SKAP2: variants seen among roughly 807,000 people sequenced by gnomAD.
The protein encoded by SKAP2 is src kinase associated phosphoprotein 2, also known as src kinase-associated phosphoprotein 2.
Under a neutral mutation model 54.9 loss-of-function variants are expected in SKAP2, and 28 were observed. The ratio of observed to expected loss-of-function variants is 0.51; its 90% CI spans 0.38 to 0.70. SKAP2 has a LOEUF of 0.70. Ranked by LOEUF, SKAP2 falls within the 30% of genes least tolerant of loss-of-function variation. The pLI is 0.00. For synonymous variants in SKAP2, 137 were observed against 134.3 expected, an observed-to-expected ratio of 1.02 and a Z score of -0.14; for missense variants, 356 against 424.1, an observed-to-expected ratio of 0.84 and a Z score of 1.41.
intron 4 of SKAP2, among the ~76,000 whole-genome samples, chr7:26,816,108 C>A (rs1293408968): frequency 3.3e-5 from 5 of 152,044 alleles, no homozygotes; most frequent in Non-Finnish European, 1.5e-5. Context: ...CGTTTTCTAA[C>A]AAATGTTTTG....
chr7:26,764,908 C>A (rs1783013393), intron 4 of SKAP2, among the ~76,000 whole-genome samples: 1 of 152,224 alleles, frequency 6.6e-6, no homozygotes, highest in Non-Finnish European at 1.5e-5. Flanking sequence ...GGTTACAGCT[C>A]TTCCCTATTG....
intron 7 of SKAP2, 129 bp downstream of exon 7, chr7:26,726,753 A>G (rs1787718391): frequency 4.1e-6 from 3 of 739,926 alleles, no homozygotes; most frequent in Non-Finnish European, 6.0e-6. Flanking sequence ...AATGCATAAT[A>G]TATTTAAACA....
chr7:26,774,212 C>A lies in SKAP2; in HGVS notation c.308-34248G>T, dbSNP rs1156252923. Among the ~76,000 whole-genome samples, 3 of 152,212 alleles carry A rather than the reference C, an allele frequency of 2.0e-5. No individual in the cohort carries two copies. The East Asian group carries it at 5.8e-4, about 29-fold the overall frequency. On this transcript the variant is annotated intron_variant, in intron 4 of 12. Coordinates refer to ENST00000345317, the MANE Select transcript of SKAP2 (RefSeq NM_003930.5). ...CCTGTAGTCCCAGCTACTCAGGAGG[C>A]TGAGGCAGGAGAATCCCTTGAACCC...
chr7:26,823,021 T>C lies in SKAP2; in HGVS notation c.307+21009A>G, dbSNP rs184927733. Among the ~76,000 whole-genome samples, 465 of 152,298 alleles carry C rather than the reference T, an allele frequency of 3.1e-3. 1 individual carries two copies. The highest frequency in any genetic ancestry group is 0.011 in the African/African-American group (450 of 41,560). On this transcript the variant is annotated intron_variant, in intron 4 of 12. Transcript: ENST00000345317. ...GAGGAAGGCACGTAGAAAGTCGAGATAGGCCAAAAGGAAGGCCTCTTGTGC... is the reference window on the plus strand; with the variant it reads ...GAGGAAGGCACGTAGAAAGTCGAGACAGGCCAAAAGGAAGGCCTCTTGTGC...
intron 4 of SKAP2, among the ~76,000 whole-genome samples, chr7:26,788,013 CA>C (rs1458647365): frequency 6.6e-6 from 1 of 152,096 alleles, no homozygotes; most frequent in Non-Finnish European, 1.5e-5. Flanking sequence ...GGGATGTAGG[CA>C]GGGGCAAATA....
chr7:26,734,064 G>A (rs1787874330), intron 6 of SKAP2, among the ~76,000 whole-genome samples: 1 of 152,138 alleles, frequency 6.6e-6, no homozygotes, highest in Non-Finnish European at 1.5e-5. Context: ...ACCACTTATG[G>A]GCACCTTGGA....
At chr7:26,752,492 T>C (rs1782707839) in intron 4 of SKAP2, among the ~76,000 whole-genome samples, 1 of 152,170 alleles carries the variant, frequency 6.6e-6, no homozygotes, top group Non-Finnish European at 1.5e-5. Flanking sequence ...CCAAAAGCTT[T>C]GTTAAACTCA....
the SKAP2 span, among the ~76,000 whole-genome samples, chr7:26,658,521 AT>A: frequency 5.1e-4 from 76 of 149,488 alleles, no homozygotes; most frequent in African/African-American, 1.2e-3. Flanking sequence ...CATTTTTCAG[AT>A]TTTTTTTTTA....
intron 4 of SKAP2, among the ~76,000 whole-genome samples, chr7:26,791,049 T>TAAA (rs141552689): frequency 6.6e-6 from 1 of 151,720 alleles, no homozygotes. Context: ...TGTTTTAATT[T>TAAA]AAAAAAAATC....
chr7:26,804,792 A>G (rs1783992687), intron 4 of SKAP2, among the ~76,000 whole-genome samples: 1 of 152,106 alleles, frequency 6.6e-6, no homozygotes, highest in Admixed American at 6.6e-5. Flanking sequence ...TAAAAAGGCA[A>G]TTTATTAAAA....
intron 4 of SKAP2, among the ~76,000 whole-genome samples, chr7:26,812,106 G>A (rs1784159263): frequency 6.6e-6 from 1 of 152,160 alleles, no homozygotes; most frequent in African/African-American, 2.4e-5. Context: ...AACCGAAATT[G>A]CAAAGGGACA....
rs184811536 is a variant in SKAP2, at chr7:26,758,452, T to C, written c.308-18488A>G. Among the ~76,000 whole-genome samples the C allele has an allele frequency of 1.9e-3, 288 of 152,296 alleles. 1 individual carries two copies. The highest frequency in any genetic ancestry group is 2.5e-3 in the Non-Finnish European group (172 of 68,036). On this transcript the variant is annotated intron_variant, in intron 4 of 12. Transcript: ENST00000345317. ...ATTTGAAAACAATATTCCCAATATATATGAAGGTACTACTTTGAGAATGTT... is the reference window on the plus strand; with the variant it reads ...ATTTGAAAACAATATTCCCAATATACATGAAGGTACTACTTTGAGAATGTT...
At chr7:26,852,854 A>G (rs1308282936) in intron 3 of SKAP2, among the ~76,000 whole-genome samples, 1 of 152,170 alleles carries the variant, frequency 6.6e-6, no homozygotes, top group Non-Finnish European at 1.5e-5. Context: ...CTTTTAAGAG[A>G]GGCAGAATCT....
chr7:26,842,543 A>G (rs1784838418), intron 4 of SKAP2, among the ~76,000 whole-genome samples: 1 of 151,850 alleles, frequency 6.6e-6, no homozygotes, highest in East Asian at 1.9e-4. Flanking sequence ...TGTATATCAA[A>G]ATGTTTATGC....
At chr7:26,857,591 A>T in intron 1 of SKAP2, 2 of 985,392 alleles carry the variant, frequency 2.0e-6, no homozygotes, top group Non-Finnish European at 2.4e-6. Flanking sequence ...GCCGCAAAGA[A>T]GTTGTAGGGC....
chr7:26,661,625 C>T, the SKAP2 span, among the ~76,000 whole-genome samples: 1 of 152,068 alleles, frequency 6.6e-6, no homozygotes, highest in African/African-American at 2.4e-5. Context: ...AAGTCAATGA[C>T]TTGATCAAAA....
intron 1 of SKAP2, among the ~76,000 whole-genome samples, chr7:26,861,696 G>GA (rs1288160405): frequency 2.3e-4 from 33 of 142,936 alleles, no homozygotes; most frequent in African/African-American, 8.3e-4. Context: ...AACAAATGTT[G>GA]AAAGTATAGC....
chr7:26,740,778 G>A (rs1782425498), intron 4 of SKAP2, among the ~76,000 whole-genome samples: 1 of 152,102 alleles, frequency 6.6e-6, no homozygotes, highest in Non-Finnish European at 1.5e-5. Flanking sequence ...TTGAGGACAG[G>A]AGTTCGAGAC....
chr7:26,688,845 C>G (rs1339827826), intron 10 of SKAP2, among the ~76,000 whole-genome samples: 1 of 152,122 alleles, frequency 6.6e-6, no homozygotes, highest in Admixed American at 6.6e-5. Flanking sequence ...ACTTTCTATA[C>G]CTGCACTGAA....
Sources: allele counts gnomAD v4.1 joint callset (sites outside exome capture counted in the v4.1 genomes callset), GRCh38; gene constraint gnomAD v4.1.1; transcripts MANE v1.5; gene names NCBI Gene and HGNC (gene_info 2026-07-23, HGNC 2026-07-21).